Variants in RIN3 observed in about 807,000 individuals in gnomAD.
RIN3 encodes RAB5 interacting protein 3.
A neutral mutation model predicts 76.3 loss-of-function variants in RIN3; 54 were observed. The observed-to-expected ratio is 0.71, with a 90% CI of 0.57 to 0.89. RIN3 has a LOEUF of 0.89. RIN3 is among the 40% of genes least tolerant of loss of function. The probability of loss-of-function intolerance (pLI) is 0.00; values close to 1 mark genes in which losing one functional copy is unlikely to be tolerated. For missense variants in RIN3, 1,256 were observed against 1,322.1 expected, an observed-to-expected ratio of 0.95 and a Z score of 0.78; for synonymous variants, 576 against 564.0, an observed-to-expected ratio of 1.02 and a Z score of -0.30.
At position 92,615,426 on chromosome 14, in the gene RIN3, G is replaced by A. The variant is rs145478507; in HGVS notation, c.387G>A (p.Ser129=). The A allele has an allele frequency of 3.6e-4, 586 of 1,614,098 alleles. No individual in the cohort carries two copies. Among genetic ancestry groups the A allele is most frequent in the Admixed American group, 4.5e-4 (27 of 60,016 alleles). ...EEKSILYLEG[S]ALVFEDIFRL... ...CCCCAGTATTGTACCTGGAAGGCTC[G>A]GCTCTTGTGTTTGAGGACATCTTCA... The change falls in exon 4 of 10, where the codon TCG becomes TCA. Residue 129 remains serine, a synonymous_variant. Coordinates refer to ENST00000216487, the MANE Select transcript of RIN3 (RefSeq NM_024832.5).
At chr14:92,624,085 G>A (rs929678313) in intron 4 of RIN3, among the ~76,000 whole-genome samples, 10 of 152,240 alleles carry the variant, frequency 6.6e-5, no homozygotes, top group African/African-American at 1.4e-4. Context: ...CGTAACAGTC[G>A]CTTTTGTTTA....
chr14:92,676,141 G>A (rs976406241), intron 7 of RIN3, among the ~76,000 whole-genome samples: 6 of 151,852 alleles, frequency 4.0e-5, no homozygotes, highest in African/African-American at 1.2e-4. Flanking sequence ...GTGGGTCCAC[G>A]AATAAATATG....
rs757606347 is a variant in RIN3, at chr14:92,651,638, C to T, written c.589C>T (p.Pro197Ser). Residue 197 changes from proline (P) to serine (S), a missense_variant, in exon 6 of 10, where the codon CCA becomes TCA. By Grantham distance (74) the Pro-to-Ser change is moderately conservative (BLOSUM62 -1). Transcript: ENST00000216487. Reference protein sequence around the residue: ...PQERGKPAEPPRDRAPGFPLV... With the variant: ...PQERGKPAEPSRDRAPGFPLV... ...AGAAAGAGGGAAGCCAGCAGAGCCC[C>T]CAAGAGACCGGGCCCCCGGATTCCC... 1.2e-6 allele frequency: 2 copies of T among 1,613,772 alleles called. No homozygotes were observed. Among genetic ancestry groups the T allele is most frequent in the Non-Finnish European group, 8.5e-7 (1 of 1,179,782 alleles).
At chr14:92,599,433 A>T (rs1885265532) in intron 3 of RIN3, among the ~76,000 whole-genome samples, 1 of 152,180 alleles carries the variant, frequency 6.6e-6, no homozygotes. Flanking sequence ...AAATGGCATG[A>T]TGAAGGAAGA....
At chr14:92,538,812 G>T (rs900639398) in intron 1 of RIN3, among the ~76,000 whole-genome samples, 1 of 152,020 alleles carries the variant, frequency 6.6e-6, no homozygotes, top group African/African-American at 2.4e-5. Flanking sequence ...ATAGTCACAC[G>T]GTTCAAATTC....
intron 7 of RIN3, among the ~76,000 whole-genome samples, chr14:92,673,746 T>G (rs1274837523): frequency 6.6e-6 from 1 of 152,234 alleles, no homozygotes; most frequent in Non-Finnish European, 1.5e-5. Context: ...CCTCAGGTGA[T>G]CCGCATGCGT....
intron 3 of RIN3, among the ~76,000 whole-genome samples, chr14:92,588,071 T>G (rs1013125960): frequency 1.3e-5 from 2 of 152,088 alleles, no homozygotes; most frequent in African/African-American, 4.8e-5. Context: ...AAGTCTCTTT[T>G]ATCAGAGTCT....
At chr14:92,615,334 CT>C in intron 3 of RIN3, 72 bp from the exon 4 acceptor site, 1 of 1,327,258 alleles carries the variant, frequency 7.5e-7, no homozygotes, top group Non-Finnish European at 1.1e-6. Context: ...CGACCCCATC[CT>C]TGCCACCTCC....
At chr14:92,610,273 A>G (rs1885683108) in intron 3 of RIN3, among the ~76,000 whole-genome samples, 1 of 152,232 alleles carries the variant, frequency 6.6e-6, no homozygotes, top group African/African-American at 2.4e-5. Flanking sequence ...CATTATAAAA[A>G]GAAAGAAAAA....
intron 3 of RIN3, among the ~76,000 whole-genome samples, chr14:92,598,571 T>C (rs1367989862): frequency 6.6e-6 from 1 of 151,980 alleles, no homozygotes; most frequent in Non-Finnish European, 1.5e-5. Flanking sequence ...GCACAGAGAG[T>C]TGAAGTGGCT....
rs1465259548 is a variant in RIN3, at chr14:92,623,846, A to C, written c.440+8367A>C. Reference sequence around the variant, plus strand: ...CTCCAAATTTTTTCCCTGTCGTGAGAGACAGGAAGTAAACTTGGCATCTGG... The same window carrying C: ...CTCCAAATTTTTTCCCTGTCGTGAGCGACAGGAAGTAAACTTGGCATCTGG... On this transcript the variant is annotated intron_variant, in intron 4 of 9. Coordinates refer to ENST00000216487, the MANE Select transcript of RIN3 (RefSeq NM_024832.5). The surrounding 1 kb of genome is among the most constrained non-coding windows in gnomAD (Gnocchi z 4.9). Among the ~76,000 whole-genome samples, 1 of 152,196 alleles carries C rather than the reference A, an allele frequency of 6.6e-6. No homozygotes were observed. The highest frequency in any genetic ancestry group is 1.5e-5 in the Non-Finnish European group (1 of 68,028).
intron 1 of RIN3, among the ~76,000 whole-genome samples, chr14:92,522,476 C>G (rs58999217): frequency 0.066 from 10,079 of 152,164 alleles, 1,127 homozygotes; most frequent in African/African-American, 0.23. Flanking sequence ...ATTCTTTTTT[C>G]ACTGAGTGTT....
At chr14:92,528,504 T>TGGTCTTCTGAAGGGCCCTGGTTCCAC (rs1034208047) in intron 1 of RIN3, among the ~76,000 whole-genome samples, 2 of 152,126 alleles carry the variant, frequency 1.3e-5, no homozygotes, top group African/African-American at 4.8e-5. Context: ...GTTGTTTCCA[T>TGGTCTTCTGAAGGGCCCTGGTTCCAC]GGTCTTCTGA....
intron 3 of RIN3, among the ~76,000 whole-genome samples, chr14:92,599,038 G>T (rs1338048353): frequency 6.6e-6 from 1 of 152,148 alleles, no homozygotes; most frequent in Non-Finnish European, 1.5e-5. Flanking sequence ...GAATGGTGGG[G>T]TGCATCCAGG....
intron 6 of RIN3, among the ~76,000 whole-genome samples, chr14:92,658,482 G>A (rs939546135): frequency 1.3e-5 from 2 of 152,222 alleles, no homozygotes; most frequent in Non-Finnish European, 2.9e-5. Context: ...TGATTTGATT[G>A]CATGGGAGAT....
intron 4 of RIN3, among the ~76,000 whole-genome samples, chr14:92,621,862 C>A (rs554833563): frequency 6.6e-6 from 1 of 152,290 alleles, no homozygotes; most frequent in South Asian, 2.1e-4. Context: ...TAGCTCGGAA[C>A]CTTAGCCATG....
intron 3 of RIN3, among the ~76,000 whole-genome samples, chr14:92,596,605 T>A (rs1283343612): frequency 6.6e-6 from 1 of 152,228 alleles, no homozygotes; most frequent in Non-Finnish European, 1.5e-5. Flanking sequence ...TGTGGTTGTA[T>A]CTTATCCGTT....
At chr14:92,521,119 T>C (rs2139992770) in intron 1 of RIN3, among the ~76,000 whole-genome samples, 1 of 152,110 alleles carries the variant, frequency 6.6e-6, no homozygotes, top group Middle Eastern at 3.4e-3. Context: ...TCCATCCATC[T>C]AGCCATCTAC....
chr14:92,534,658 G>C (rs1391800810), intron 1 of RIN3, among the ~76,000 whole-genome samples: 1 of 151,946 alleles, frequency 6.6e-6, no homozygotes, highest in Non-Finnish European at 1.5e-5. Context: ...GAATGAGTTT[G>C]TTCCTTAGGG....
Sources: allele counts gnomAD v4.1 joint callset (sites outside exome capture counted in the v4.1 genomes callset), GRCh38; gene constraint gnomAD v4.1.1; non-coding constraint Gnocchi (gnomAD v3.1); transcripts MANE v1.5; gene names NCBI Gene and HGNC (gene_info 2026-07-23, HGNC 2026-07-21).